The following SLC22A23 variants were observed in gnomAD, a reference collection of about 807,000 sequenced individuals.
The protein encoded by SLC22A23 is solute carrier family 22 member 23, also known as ion transporter protein.
SLC22A23 carries 26 observed loss-of-function variants against 61.0 expected under a neutral mutation model. That is an observed-to-expected ratio of 0.43 (90% CI 0.31 to 0.59). SLC22A23 has a LOEUF of 0.59. Ranked by LOEUF, SLC22A23 falls within the 20% of genes least tolerant of loss-of-function variation. The pLI, the probability that SLC22A23 is intolerant of heterozygous loss-of-function variation, is 0.11. For synonymous variants in SLC22A23, 430 were observed against 413.9 expected (o/e 1.04, Z -0.47); for missense variants, 796 against 934.7 (o/e 0.85, Z 1.94).
chr6:3,361,189 A>G (rs1405456511), intron 3 of SLC22A23, among the ~76,000 whole-genome samples: 1 of 150,962 alleles, frequency 6.6e-6, no homozygotes, highest in Non-Finnish European at 1.5e-5. Flanking sequence ...CACCCCCTCA[A>G]CTGTCTTTCT....
chr6:3,293,447 C>T (rs932787459), intron 5 of SLC22A23, among the ~76,000 whole-genome samples: 30 of 152,362 alleles, frequency 2.0e-4, no homozygotes, highest in African/African-American at 5.5e-4. Context: ...GCCACTCGGC[C>T]ACTCGAATAA....
rs573004606 is a variant in SLC22A23, at chr6:3,434,347, G to A, written c.655-18492C>T. Among the ~76,000 whole-genome samples the A allele has an allele frequency of 2.6e-5, 4 of 151,640 alleles. No individual in the cohort carries two copies. In the East Asian group the frequency reaches 5.8e-4, roughly 22 times the overall value. ...AAATAAATAAAGAGCTGGGTGCGGT[G>A]GCTTATGCCTGCAATCCTAGCACTT... is the stretch of plus-strand genomic sequence containing the variant. On this transcript the variant is annotated intron_variant, in intron 1 of 9. Coordinates refer to ENST00000406686, the MANE Select transcript of SLC22A23 (RefSeq NM_015482.2).
At chr6:3,353,622 A>G (rs1764903299) in intron 3 of SLC22A23, among the ~76,000 whole-genome samples, 1 of 152,160 alleles carries the variant, frequency 6.6e-6, no homozygotes, top group African/African-American at 2.4e-5. Flanking sequence ...CTCCCAAATC[A>G]CTAGATCAGT....
chr6:3,435,187 C>T (rs1771124819), intron 1 of SLC22A23, among the ~76,000 whole-genome samples: 1 of 152,116 alleles, frequency 6.6e-6, no homozygotes, highest in Non-Finnish European at 1.5e-5. Context: ...AGCTATAAGC[C>T]ACAGAGAAGC....
At chr6:3,418,506 C>T (rs1337072846) in intron 1 of SLC22A23, among the ~76,000 whole-genome samples, 2 of 152,204 alleles carry the variant, frequency 1.3e-5, no homozygotes, top group African/African-American at 4.8e-5. Context: ...GTGATCAGCC[C>T]TATCCATTAA....
intron 1 of SLC22A23, among the ~76,000 whole-genome samples, chr6:3,439,907 A>G (rs1771476921): frequency 6.6e-6 from 1 of 152,128 alleles, no homozygotes; most frequent in African/African-American, 2.4e-5. Flanking sequence ...GAAATAAACA[A>G]ATCGGTGGGT....
chr6:3,440,587 A>G (rs950811039), intron 1 of SLC22A23, among the ~76,000 whole-genome samples: 5 of 151,944 alleles, frequency 3.3e-5, no homozygotes, highest in Non-Finnish European at 5.9e-5. Context: ...GGCGCCTGTA[A>G]TCCCAGCTAC....
intron 3 of SLC22A23, among the ~76,000 whole-genome samples, chr6:3,364,611 A>G (rs1001491399): frequency 3.3e-5 from 5 of 152,216 alleles, no homozygotes; most frequent in African/African-American, 7.2e-5. Flanking sequence ...AAGTGATCCT[A>G]TTGCTGTGTT....
intron 3 of SLC22A23, among the ~76,000 whole-genome samples, chr6:3,388,718 T>G (rs144546641): frequency 6.6e-6 from 1 of 152,130 alleles, no homozygotes; most frequent in Non-Finnish European, 1.5e-5. Flanking sequence ...ATGGATACAA[T>G]GGAACATGAT....
intron 1 of SLC22A23, among the ~76,000 whole-genome samples, chr6:3,455,573 C>A (rs1414784087): frequency 1.3e-5 from 2 of 152,164 alleles, no homozygotes; most frequent in African/African-American, 2.4e-5. Flanking sequence ...GGTCCCGACT[C>A]CCCCAGCAGA....
intron 7 of SLC22A23, 52 bp from the exon 8 acceptor site, chr6:3,285,163 G>A: frequency 6.2e-7 from 1 of 1,605,570 alleles, no homozygotes; most frequent in Non-Finnish European, 8.5e-7. Flanking sequence ...AAGCAAGCGA[G>A]AAGAGAGAAG....
Position 3,381,863 on chromosome 6 carries a change from C to T in SLC22A23, c.913+28325G>A, listed in dbSNP as rs76765745. Among the ~76,000 whole-genome samples the T allele has an allele frequency of 3.3e-5, 5 of 152,306 alleles. 1 individual carries two copies. In the East Asian group the frequency reaches 9.6e-4, roughly 29 times the overall value. On this transcript the variant is annotated intron_variant, in intron 3 of 9. Coordinates refer to ENST00000406686, the MANE Select transcript of SLC22A23 (RefSeq NM_015482.2). ...TGCTGCCACCATGAGCAAGACACAC[C>T]CCTCACAATGATTTTGTGAGACAGG...
intron 4 of SLC22A23, among the ~76,000 whole-genome samples, chr6:3,303,993 A>G (rs982215459): frequency 6.6e-6 from 1 of 152,252 alleles, no homozygotes; most frequent in Non-Finnish European, 1.5e-5. Context: ...TGTTACAAAG[A>G]TAAAGCCCTG....
intron 4 of SLC22A23, among the ~76,000 whole-genome samples, chr6:3,307,245 G>A (rs1306382432): frequency 6.6e-6 from 1 of 152,162 alleles, no homozygotes; most frequent in Non-Finnish European, 1.5e-5. Flanking sequence ...AGTTCATCTC[G>A]ACGCTCTGAC....
At chr6:3,273,852 G>T (rs1317730820) in intron 9 of SLC22A23, among the ~76,000 whole-genome samples, 1 of 152,158 alleles carries the variant, frequency 6.6e-6, no homozygotes, top group Non-Finnish European at 1.5e-5. Context: ...GTTAAAGAGG[G>T]TACTAAGGAC....
At chr6:3,382,888 T>C (rs571804417) in intron 3 of SLC22A23, among the ~76,000 whole-genome samples, 2 of 152,270 alleles carry the variant, frequency 1.3e-5, no homozygotes, top group South Asian at 4.2e-4. Flanking sequence ...ACTGATGGAA[T>C]GATGGAATGG....
chr6:3,446,874 G>T (rs995775484), intron 1 of SLC22A23, among the ~76,000 whole-genome samples: 1 of 152,122 alleles, frequency 6.6e-6, no homozygotes, highest in African/African-American at 2.4e-5. Context: ...CACCTCAGCT[G>T]GCTAAGGGCA....
chr6:3,347,178 C>T (rs1374118887), intron 3 of SLC22A23, among the ~76,000 whole-genome samples: 3 of 152,214 alleles, frequency 2.0e-5, no homozygotes, highest in Non-Finnish European at 1.5e-5. Flanking sequence ...CGTGCAGCCA[C>T]GCCACTCATG....
At chr6:3,335,245 C>G (rs1205859207) in intron 3 of SLC22A23, among the ~76,000 whole-genome samples, 2 of 152,246 alleles carry the variant, frequency 1.3e-5, no homozygotes, top group Non-Finnish European at 2.9e-5. Flanking sequence ...TCCTCTAAAC[C>G]CAAGCAAAAC....
Sources: allele counts gnomAD v4.1 joint callset (sites outside exome capture counted in the v4.1 genomes callset), GRCh38; gene constraint gnomAD v4.1.1; transcripts MANE v1.5; gene names NCBI Gene and HGNC (gene_info 2026-07-23, HGNC 2026-07-21).